Variants in MYT1L observed in about 807,000 individuals in gnomAD.
MYT1L encodes myelin transcription factor 1 like.
MYT1L carries 12 observed loss-of-function variants against 126.7 expected under a neutral mutation model. The observed-to-expected ratio is 0.09, with a 90% CI of 0.06 to 0.15. The LOEUF (loss-of-function observed/expected upper bound fraction) is 0.15, where lower values mean the gene tolerates loss of function less well. Ranked by LOEUF, MYT1L falls within the 10% of genes least tolerant of loss-of-function variation. The probability of loss-of-function intolerance (pLI) is 1.00; values close to 1 mark genes in which losing one functional copy is unlikely to be tolerated. For missense variants in MYT1L, 979 were observed against 1,585.2 expected (o/e 0.62, Z 6.49); for synonymous variants, 541 against 604.2 (o/e 0.90, Z 1.53).
chr2:2,311,881 C>T (rs1020697669), intron 1 of MYT1L, among the ~76,000 whole-genome samples: 2 of 152,208 alleles, frequency 1.3e-5, no homozygotes, highest in Non-Finnish European at 2.9e-5. Context: ...AAGTTATGCA[C>T]AAACAGTTTG....
At chr2:1,961,561 G>A (rs941192080) in intron 8 of MYT1L, among the ~76,000 whole-genome samples, 9 of 152,226 alleles carry the variant, frequency 5.9e-5, no homozygotes, top group Non-Finnish European at 8.8e-5. Flanking sequence ...CTCTGCCATC[G>A]GGCTTCGTGC....
chr2:2,193,274 G>A (rs748426176), intron 2 of MYT1L, among the ~76,000 whole-genome samples: 7 of 152,120 alleles, frequency 4.6e-5, no homozygotes, highest in East Asian at 1.9e-4. Flanking sequence ...CACCATGCCC[G>A]GAGACTCCAG....
chr2:2,176,918 G>A (rs900611697), intron 2 of MYT1L, among the ~76,000 whole-genome samples: 4 of 152,176 alleles, frequency 2.6e-5, no homozygotes, highest in African/African-American at 9.7e-5. Flanking sequence ...TATAGATAAA[G>A]ACATCACATG....
chr2:2,218,120 G>T (rs956503231), intron 2 of MYT1L, among the ~76,000 whole-genome samples: 3 of 152,140 alleles, frequency 2.0e-5, no homozygotes, highest in African/African-American at 7.2e-5. Context: ...ACTGCAGGTG[G>T]GAATGTAAAA....
chr2:2,247,772 A>G (rs2094561792), intron 2 of MYT1L, among the ~76,000 whole-genome samples: 1 of 152,160 alleles, frequency 6.6e-6, no homozygotes, highest in South Asian at 2.1e-4. Flanking sequence ...ATTAAACAGC[A>G]TGTTCCTGAA....
intron 3 of MYT1L, among the ~76,000 whole-genome samples, chr2:2,137,636 T>A (rs930553484): frequency 9.9e-5 from 15 of 152,174 alleles, no homozygotes; most frequent in Non-Finnish European, 2.1e-4. Flanking sequence ...TGGCTAGCCA[T>A]ATGTAGAAAG....
chr2:2,107,256 C>T (rs1222200836), intron 3 of MYT1L, among the ~76,000 whole-genome samples: 1 of 152,232 alleles, frequency 6.6e-6, no homozygotes, highest in Non-Finnish European at 1.5e-5. Context: ...GCACAATCTC[C>T]TTCCTCTGTG....
chr2:1,834,631 T>C (rs2040587176), intron 21 of MYT1L, among the ~76,000 whole-genome samples: 1 of 152,196 alleles, frequency 6.6e-6, no homozygotes, highest in Non-Finnish European at 1.5e-5. Flanking sequence ...AAGCATCAGA[T>C]TCACAGAGGC....
intron 3 of MYT1L, among the ~76,000 whole-genome samples, chr2:2,095,361 A>G (rs1256719155): frequency 1.3e-5 from 2 of 152,204 alleles, no homozygotes; most frequent in Non-Finnish European, 2.9e-5. Context: ...GGTATCATCA[A>G]TGCTCCTCAG....
In MYT1L at chr2:2,287,383, A is replaced by G. The variant is rs1049930110; in HGVS notation, c.-520-2880T>C. 4.6e-5 allele frequency among the ~76,000 whole-genome samples: 7 copies of G among 152,334 alleles called. No homozygotes were observed. In the East Asian group the frequency reaches 1.3e-3, roughly 29 times the overall value. On this transcript the variant is annotated intron_variant, in intron 1 of 24. Coordinates refer to ENST00000647738, the MANE Select transcript of MYT1L (RefSeq NM_001303052.2). ...GACGAAGTTATTTAATGTCAGGACC[A>G]TTATCTTTCAAACATTTTGTTAAGC...
chr2:2,005,654 GAA>G, intron 4 of MYT1L, among the ~76,000 whole-genome samples: 1 of 148,618 alleles, frequency 6.7e-6, no homozygotes, highest in South Asian at 2.2e-4. Flanking sequence ...GTTCTTTCCT[GAA>G]TATGTTCTTT....
intron 8 of MYT1L, among the ~76,000 whole-genome samples, chr2:1,962,485 T>C (rs1306844274): frequency 6.6e-6 from 1 of 152,116 alleles, no homozygotes; most frequent in Non-Finnish European, 1.5e-5. Context: ...CTGATCTGAG[T>C]GGTGGTTGCT....
intron 21 of MYT1L, among the ~76,000 whole-genome samples, chr2:1,814,147 C>T (rs1357356994): frequency 6.6e-6 from 1 of 152,148 alleles, no homozygotes; most frequent in Non-Finnish European, 1.5e-5. Context: ...CGTGCTGCCT[C>T]CCGCTGTCCA....
chr2:2,277,128 C>CCCG (rs1218655199), intron 2 of MYT1L, among the ~76,000 whole-genome samples: 5 of 152,088 alleles, frequency 3.3e-5, no homozygotes, highest in Non-Finnish European at 7.4e-5. Context: ...ACCACAGGCA[C>CCCG]CCGCCACCAC....
intron 2 of MYT1L, among the ~76,000 whole-genome samples, chr2:2,210,502 A>G (rs1371728210): frequency 6.6e-6 from 1 of 152,136 alleles, no homozygotes; most frequent in East Asian, 1.9e-4. Flanking sequence ...CCCAGTGTCT[A>G]TCCTTGGCTC....
rs563561439 is a variant in MYT1L, at chr2:2,028,390, T to C, written c.-158+25588A>G. ...CAGGATTGAAACTTTGGGGGCAGAA[T>C]TGAAGGGACTGAATAGTAGATCGAC... is the stretch of plus-strand genomic sequence containing the variant. On this transcript the variant is annotated intron_variant, in intron 4 of 24. Coordinates refer to ENST00000647738, the MANE Select transcript of MYT1L (RefSeq NM_001303052.2). 5.9e-5 allele frequency among the ~76,000 whole-genome samples: 9 copies of C among 152,260 alleles called. No individual in the cohort carries two copies. The East Asian group carries it at 1.7e-3, about 30-fold the overall frequency.
At chr2:2,019,714 C>T (rs956077741) in intron 4 of MYT1L, among the ~76,000 whole-genome samples, 1 of 152,198 alleles carries the variant, frequency 6.6e-6, no homozygotes, top group African/African-American at 2.4e-5. Context: ...ACCTCACACA[C>T]AGGCTGCCAC....
chr2:2,137,023 C>A (rs1177125419), intron 3 of MYT1L, among the ~76,000 whole-genome samples: 1 of 152,160 alleles, frequency 6.6e-6, no homozygotes, highest in African/African-American at 2.4e-5. Flanking sequence ...GCAAAAATCA[C>A]AAGCATTCTT....
At chr2:1,962,991 C>T (rs916991411) in intron 8 of MYT1L, among the ~76,000 whole-genome samples, 6 of 152,204 alleles carry the variant, frequency 3.9e-5, no homozygotes, top group Admixed American at 6.5e-5. Flanking sequence ...GAATCCTTCC[C>T]ATAAGATTTT....
Sources: gnomAD v4.1 joint callset for allele counts (sites outside exome capture counted in the v4.1 genomes callset) on GRCh38, gnomAD v4.1.1 for gene constraint, MANE v1.5 for transcripts, NCBI Gene and HGNC (gene_info 2026-07-23, HGNC 2026-07-21) for gene names.